The following PDE3A variants were observed in gnomAD, a reference collection of about 807,000 sequenced individuals.
PDE3A encodes the protein phosphodiesterase 3A.
Under a neutral mutation model 98.3 loss-of-function variants are expected in PDE3A, and 43 were observed. The observed-to-expected ratio is 0.44, with a 90% CI of 0.34 to 0.56. The LOEUF is 0.56. Ranked by LOEUF, PDE3A falls within the 20% of genes least tolerant of loss-of-function variation. PDE3A has a pLI of 0.01. For synonymous variants in PDE3A, 663 were observed against 567.9 expected, an observed-to-expected ratio of 1.17 and a Z score of -2.38; for missense variants, 1,427 against 1,440.7, an observed-to-expected ratio of 0.99 and a Z score of 0.15.
chr12:20,506,394 T>G (rs1486570761), intron 1 of PDE3A, among the ~76,000 whole-genome samples: 3 of 152,078 alleles, frequency 2.0e-5, no homozygotes, highest in Non-Finnish European at 2.9e-5. Flanking sequence ...AATTTTTTTC[T>G]GCATCTGTCC....
chr12:20,635,010 A>C lies in PDE3A; in HGVS notation c.1955A>C (p.Lys652Thr). 3 of 1,613,714 alleles carry C rather than the reference A, an allele frequency of 1.9e-6. No individual in the cohort carries two copies. Among genetic ancestry groups the C allele is most frequent in the Non-Finnish European group, 2.5e-6 (3 of 1,179,642 alleles). Reference sequence around the variant, plus strand: ...GAGTGCCTGAGAGAGCCTCTGAGGAAAGCATCGGCTTGCAGCACCTATGCT... The same window carrying C: ...GAGTGCCTGAGAGAGCCTCTGAGGACAGCATCGGCTTGCAGCACCTATGCT... The part of the protein sequence containing the change: ...ETECLREPLR[K>T]ASACSTYAPE... Residue 652 changes from lysine to threonine, a missense_variant, in exon 8 of 16, where the codon AAA (lysine) becomes ACA (threonine). Around this residue, in one of 3 missense-constraint regions of PDE3A, gnomAD observed 1,012 missense variants for 886.5 expected, o/e 1.14. Coordinates refer to ENST00000359062, the MANE Select transcript of PDE3A (RefSeq NM_000921.5).
At chr12:20,675,236 G>A (rs1945605000) in intron 15 of PDE3A, among the ~76,000 whole-genome samples, 1 of 151,588 alleles carries the variant, frequency 6.6e-6, no homozygotes, top group Non-Finnish European at 1.5e-5. Flanking sequence ...AGTTTCTTTT[G>A]TTATTGATTT....
intron 1 of PDE3A, among the ~76,000 whole-genome samples, chr12:20,548,182 A>G (rs890533563): frequency 2.6e-5 from 4 of 152,136 alleles, no homozygotes; most frequent in African/African-American, 9.6e-5. Flanking sequence ...TTTGTTTGCC[A>G]GGAATAAATT....
chr12:20,369,196 T>TGG lies in PDE3A; in HGVS notation c.-88_-87insGG. On this transcript the variant is annotated 5_prime_UTR_variant, in exon 1 of 16. Transcript: ENST00000359062. Reference sequence around the variant, plus strand: ...ATTGGGAAGAGCGTGCGTGCGTGTGTGTGTGTGTGTGTGTGCGCGCGCGCG... The same window carrying TGG: ...ATTGGGAAGAGCGTGCGTGCGTGTGTGGGTGTGTGTGTGTGTGCGCGCGCGCG... The TGG allele has an allele frequency of 4.4e-6, 3 of 688,686 alleles. No individual in the cohort carries two copies. The highest frequency in any genetic ancestry group is 3.1e-5 in the Admixed American group (1 of 32,124). The allele number at this position is 688,686 out of a possible 1,614,324, so 42.7% of individuals were successfully genotyped here.
Position 20,536,836 on chromosome 12 carries a change from T to C in PDE3A, c.961-19824T>C, listed in dbSNP as rs568414105. Among the ~76,000 whole-genome samples the C allele has an allele frequency of 8.5e-5, 13 of 152,244 alleles. No individual in the cohort carries two copies. In the East Asian group the frequency reaches 2.3e-3, roughly 27 times the overall value. Reference sequence around the variant, plus strand: ...TTTGCTTTTTGGCTATTATGAATAATGCTGCTATTAACATTTGTGTTCAAA... The same window carrying C: ...TTTGCTTTTTGGCTATTATGAATAACGCTGCTATTAACATTTGTGTTCAAA... On this transcript the variant is annotated intron_variant, in intron 1 of 15. Transcript: ENST00000359062.
chr12:20,403,383 T>G (rs1162495793), intron 1 of PDE3A, among the ~76,000 whole-genome samples: 1 of 152,202 alleles, frequency 6.6e-6, no homozygotes, highest in Non-Finnish European at 1.5e-5. Flanking sequence ...GAATTGCGAC[T>G]TTGCAGGGAG....
At chr12:20,473,118 A>G (rs1472477946) in intron 1 of PDE3A, among the ~76,000 whole-genome samples, 2 of 152,158 alleles carry the variant, frequency 1.3e-5, no homozygotes, top group Admixed American at 6.6e-5. Flanking sequence ...GAGTTGTGTC[A>G]TTGAATGTTT....
chr12:20,504,075 T>C (rs776557980), intron 1 of PDE3A, among the ~76,000 whole-genome samples: 1 of 152,174 alleles, frequency 6.6e-6, no homozygotes, highest in African/African-American at 2.4e-5. Context: ...ACTAGTTAGA[T>C]CTGGGAAAGT....
chr12:20,531,099 C>G (rs1941586442), intron 1 of PDE3A, among the ~76,000 whole-genome samples: 1 of 152,256 alleles, frequency 6.6e-6, no homozygotes, highest in Admixed American at 6.5e-5. Flanking sequence ...CTACACAGCT[C>G]CCCTCTTAGC....
At chr12:20,616,100 ATAGG>A in intron 3 of PDE3A, 126 bp from the exon 4 acceptor site, 2 of 541,906 alleles carry the variant, frequency 3.7e-6, no homozygotes, top group East Asian at 6.6e-5. Context: ...TTTTAGATAG[ATAGG>A]TGATATTAAA....
chr12:20,418,764 C>CT (rs938465247), intron 1 of PDE3A, among the ~76,000 whole-genome samples: 7 of 151,810 alleles, frequency 4.6e-5, no homozygotes, highest in African/African-American at 9.7e-5. Flanking sequence ...TCCCACAACA[C>CT]TTTTTTTAAT....
rs73075175 is a variant in PDE3A, at chr12:20,539,150, G to T, written c.961-17510G>T. 3.9e-5 allele frequency among the ~76,000 whole-genome samples: 6 copies of T among 152,012 alleles called. No homozygotes were observed. The South Asian group carries it at 1.2e-3, about 31-fold the overall frequency. ...CCCTTATCTAAAAGGGACCAAAACT[G>T]TTTGGAGTTTGGAATTTTTCAGATG... On this transcript the variant is annotated intron_variant, in intron 1 of 15. Coordinates refer to ENST00000359062, the MANE Select transcript of PDE3A (RefSeq NM_000921.5).
At chr12:20,643,984 C>T (rs183644385) in intron 10 of PDE3A, among the ~76,000 whole-genome samples, 3 of 152,190 alleles carry the variant, frequency 2.0e-5, no homozygotes, top group Non-Finnish European at 2.9e-5. Context: ...CAGGCTCTGC[C>T]AACACTGTGA....
intron 9 of PDE3A, among the ~76,000 whole-genome samples, chr12:20,639,626 A>G (rs1944601503): frequency 6.6e-6 from 1 of 152,142 alleles, no homozygotes; most frequent in Admixed American, 6.6e-5. Flanking sequence ...ATTTCAAAAG[A>G]TTTTTAAGGA....
At chr12:20,600,892 C>A (rs537786296) in intron 2 of PDE3A, among the ~76,000 whole-genome samples, 1 of 152,264 alleles carries the variant, frequency 6.6e-6, no homozygotes, top group Admixed American at 6.5e-5. Context: ...AAAGAACTGT[C>A]TCAAACACTT....
At chr12:20,662,181 G>A (rs1592158722) in intron 15 of PDE3A, among the ~76,000 whole-genome samples, 1 of 152,168 alleles carries the variant, frequency 6.6e-6, no homozygotes, top group Non-Finnish European at 1.5e-5. Context: ...TTTATCAGTA[G>A]CATGAAAACG....
At chr12:20,567,018 A>G (rs1487683761) in intron 2 of PDE3A, among the ~76,000 whole-genome samples, 1 of 151,960 alleles carries the variant, frequency 6.6e-6, no homozygotes, top group Non-Finnish European at 1.5e-5. Context: ...CCAATTAACT[A>G]TAAGTTTAGG....
Position 20,613,664 on chromosome 12 carries a change from A to G in PDE3A, c.1233A>G (p.Glu411=). The G allele has an allele frequency of 6.2e-7, 1 of 1,613,960 alleles. No homozygotes were observed. The highest frequency in any genetic ancestry group is 8.5e-7 in the Non-Finnish European group (1 of 1,179,834). The change falls in exon 3 of 16, where the codon GAA becomes GAG. Residue 411 remains glutamate (E), a synonymous_variant. Transcript: ENST00000359062. ...LSENYTCSDS[E]ESSEKDKLAI... The stretch of plus-strand genomic sequence containing the variant: ...AAAACTATACCTGTTCTGACTCTGA[A>G]GAGAGCTCTGAAAAAGACAAGCTTG...
intron 13 of PDE3A, among the ~76,000 whole-genome samples, chr12:20,649,603 A>G (rs1423778179): frequency 6.6e-6 from 1 of 152,208 alleles, no homozygotes; most frequent in Non-Finnish European, 1.5e-5. Flanking sequence ...ACAATTTTTT[A>G]TGAACTGTAA....
Sources: gnomAD v4.1 joint callset for allele counts (sites outside exome capture counted in the v4.1 genomes callset) on GRCh38, gnomAD v4.1.1 for gene constraint, gnomAD v4.1.1 regional missense constraint, MANE v1.5 for transcripts, NCBI Gene and HGNC (gene_info 2026-07-23, HGNC 2026-07-21) for gene names.